Variants in NCOA4 observed in about 807,000 individuals in gnomAD.
The protein encoded by NCOA4 is nuclear receptor coactivator 4.
NCOA4 carries 31 observed loss-of-function variants against 69.5 expected under a neutral mutation model. The observed-to-expected ratio is 0.45, with a 90% CI of 0.34 to 0.60. The LOEUF (loss-of-function observed/expected upper bound fraction) is 0.60, where lower values mean the gene tolerates loss of function less well. Ranked by LOEUF, NCOA4 falls within the 20% of genes least tolerant of loss-of-function variation. NCOA4 has a pLI of 0.02. For missense variants in NCOA4, 600 were observed against 719.2 expected, an observed-to-expected ratio of 0.83 and a Z score of 1.90; for synonymous variants, 228 against 252.4, an observed-to-expected ratio of 0.90 and a Z score of 0.92.
chr10:46,012,197 T>C (rs1284040167), intron 7 of NCOA4, among the ~76,000 whole-genome samples: 2 of 144,160 alleles, frequency 1.4e-5, no homozygotes, highest in Non-Finnish European at 3.0e-5. Flanking sequence ...AAAACCTAAA[T>C]GACTATTACT....
Position 46,010,375 on chromosome 10 carries a change from C to A in NCOA4, c.1546G>T (p.Asp516Tyr). 1 of 1,614,160 alleles carries A rather than the reference C, an allele frequency of 6.2e-7. No individual in the cohort carries two copies. Among genetic ancestry groups the A allele is most frequent in the Non-Finnish European group, 8.5e-7 (1 of 1,180,026 alleles). ...GSPKEVPGTE[D>Y]RAGKQKFKSP... Reference sequence around the variant, plus strand: ...TTAAACTTCTGTTTGCCAGCTCTGTCTTCAGTACCAGGCACTTCCTTGGGA... The same window carrying A: ...TTAAACTTCTGTTTGCCAGCTCTGTATTCAGTACCAGGCACTTCCTTGGGA... The change falls in exon 8 of 10, where the codon GAC becomes TAC. Residue 516 changes from aspartate (D) to tyrosine (Y), a missense_variant. Transcript: ENST00000581486.
Position 46,006,421 on chromosome 10 carries a change from CAG to C in NCOA4, c.*169_*170del, listed in dbSNP as rs1307078180. ...GAATAAACAGCATTTTTCTTTTAAA[CAG>C]TAACTCATAATCTGATGACTCACTT... On this transcript the variant is annotated 3_prime_UTR_variant, in exon 10 of 10. Coordinates refer to ENST00000581486, the MANE Select transcript of NCOA4 (RefSeq NM_001145263.2). 5.9e-6 allele frequency: 4 copies of C among 677,030 alleles called. No homozygotes were observed. Among genetic ancestry groups the C allele is most frequent in the African/African-American group, 3.6e-5 (2 of 55,842 alleles). 41.9% of individuals were successfully genotyped at this position (677,030 alleles called of 1,614,324 possible).
intron 2 of NCOA4, 118 bp downstream of exon 2, chr10:46,016,422 C>A: frequency 1.1e-6 from 1 of 888,408 alleles, no homozygotes; most frequent in Non-Finnish European, 1.6e-6. Context: ...ACCAAGTAGA[C>A]CACGCAAGGC....
intron 1 of NCOA4, among the ~76,000 whole-genome samples, chr10:46,017,330 T>C (rs782810317): frequency 2.6e-5 from 4 of 152,158 alleles, no homozygotes; most frequent in Non-Finnish European, 5.9e-5. Flanking sequence ...GTGGATCACT[T>C]GATTCCAGGA....
In NCOA4 at chr10:46,006,518, T is replaced by G; in HGVS notation, c.*74A>C. 1.9e-6 allele frequency: 3 copies of G among 1,569,352 alleles called. No individual in the cohort carries two copies. Among genetic ancestry groups the G allele is most frequent in the Non-Finnish European group, 1.8e-6 (2 of 1,140,608 alleles). ...TGGTCAGACCCAGAAACACAAAGAT[T>G]TGGCAAGCTGCAGTCACTCAGCTCA... On this transcript the variant is annotated 3_prime_UTR_variant, in exon 10 of 10. Coordinates refer to ENST00000581486, the MANE Select transcript of NCOA4 (RefSeq NM_001145263.2).
At chr10:46,016,436 G>A in intron 2 of NCOA4, 104 bp downstream of exon 2, 1 of 1,062,000 alleles carries the variant, frequency 9.4e-7, no homozygotes, top group Non-Finnish European at 1.3e-6. Context: ...GCAAGGCATG[G>A]GGTGAAATTT....
At chr10:46,019,615 T>TCA in intron 1 of NCOA4, 15 of 634,610 alleles carry the variant, frequency 2.4e-5, no homozygotes, top group Non-Finnish European at 2.7e-5. Flanking sequence ...ATACATACAG[T>TCA]GCTGACTGTA....
chr10:46,015,053 G>A (rs1839456328), intron 3 of NCOA4, 73 bp downstream of exon 3: 1 of 1,599,112 alleles, frequency 6.3e-7, no homozygotes. Context: ...TATTAACACT[G>A]CATTACAAGG....
Position 46,010,436 on chromosome 10 carries a change from C to A in NCOA4, c.1485G>T (p.Ser495=). 1 of 1,614,176 alleles carries A rather than the reference C, an allele frequency of 6.2e-7. No homozygotes were observed. The highest frequency in any genetic ancestry group is 8.5e-7 in the Non-Finnish European group (1 of 1,180,032). Residue 495 remains serine, a synonymous_variant, in exon 8 of 10, where the codon TCG becomes TCT. Transcript: ENST00000581486. ...TGTATGGGGGCCTGATAAGCCACTC[C>A]GACAAGGGGCTGTTCTTTATGACTT... ...SFQVIKNSPL[S]EWLIRPPYKE... is the part of the protein sequence containing the mutation.
At chr10:46,016,722 A>G (rs782475615) in intron 1 of NCOA4, 28 bp from the exon 2 acceptor site, 2 of 1,362,400 alleles carry the variant, frequency 1.5e-6, no homozygotes, top group Non-Finnish European at 1.9e-6. Flanking sequence ...ATATATAAAT[A>G]GCACCATAAT....
intron 6 of NCOA4, 76 bp downstream of exon 6, chr10:46,013,474 T>C (rs1402416839): frequency 2.8e-6 from 3 of 1,064,674 alleles, no homozygotes; most frequent in Non-Finnish European, 4.2e-6. Flanking sequence ...GTAGCATTTT[T>C]TTAATGCTAT....
chr10:46,011,782 G>A (rs1468697735), intron 7 of NCOA4, among the ~76,000 whole-genome samples: 3 of 151,710 alleles, frequency 2.0e-5, no homozygotes, highest in Non-Finnish European at 4.4e-5. Context: ...GGCCGGGTAC[G>A]GTGGTTCACG....
intron 9 of NCOA4, 67 bp from the exon 10 acceptor site, chr10:46,006,664 T>TA: frequency 6.7e-7 from 1 of 1,488,548 alleles, no homozygotes; most frequent in Non-Finnish European, 9.4e-7. Context: ...TTCCCTGCCT[T>TA]AAAGCTCCGA....
intron 1 of NCOA4, among the ~76,000 whole-genome samples, chr10:46,027,032 G>A (rs1590182732): frequency 1.3e-5 from 2 of 152,126 alleles, no homozygotes; most frequent in East Asian, 1.9e-4. Context: ...TTGGAAGGCC[G>A]AGGCGGGCGG....
intron 1 of NCOA4, chr10:46,019,388 T>C (rs1337758551): frequency 1.0e-6 from 1 of 985,454 alleles, no homozygotes; most frequent in Non-Finnish European, 1.2e-6. Flanking sequence ...CTGCTTCACT[T>C]TGCACTTAGG....
chr10:46,010,074 AG>A, intron 8 of NCOA4, 148 bp downstream of exon 8: 1 of 955,408 alleles, frequency 1.0e-6, no homozygotes, highest in South Asian at 1.8e-5. Flanking sequence ...TAGTGCGGGC[AG>A]GGGGATGGCT....
At position 46,010,957 on chromosome 10, in the gene NCOA4, G is replaced by T; in HGVS notation, c.964C>A (p.Arg322Ser). 6.2e-7 allele frequency: 1 copy of T among 1,613,906 alleles called. No homozygotes were observed. Among genetic ancestry groups the T allele is most frequent in the Non-Finnish European group, 8.5e-7 (1 of 1,179,860 alleles). ...HKLRKPENGSRETSEKFKLLF... is the reference protein window; with the variant it reads ...HKLRKPENGSSETSEKFKLLF... ...AGCTTAAACTTCTCACTGGTTTCACGACTGCCATTCTCAGGCTTCCGCAGC... is the reference window on the plus strand; with the variant it reads ...AGCTTAAACTTCTCACTGGTTTCACTACTGCCATTCTCAGGCTTCCGCAGC... The change falls in exon 8 of 10, where the codon CGT (arginine) becomes AGT (serine). Residue 322 changes from arginine to serine, a missense_variant. Transcript: ENST00000581486.
intron 1 of NCOA4, chr10:46,022,581 C>G (rs1453088604): frequency 2.5e-6 from 1 of 398,650 alleles, no homozygotes; most frequent in African/African-American, 2.1e-5. Context: ...CTGTCTCAGC[C>G]TCCCAGGTAG....
intron 1 of NCOA4, among the ~76,000 whole-genome samples, chr10:46,017,794 G>A (rs549460740): frequency 3.6e-4 from 55 of 152,246 alleles, no homozygotes; most frequent in African/African-American, 1.2e-3. Flanking sequence ...GATAAAATGA[G>A]ACTGTAACAC....
Sources: gnomAD v4.1 joint callset for allele counts (sites outside exome capture counted in the v4.1 genomes callset) on GRCh38, gnomAD v4.1.1 for gene constraint, MANE v1.5 for transcripts, NCBI Gene and HGNC (gene_info 2026-07-23, HGNC 2026-07-21) for gene names.